The following CCDC178 variants were observed in gnomAD, a reference collection of about 807,000 sequenced individuals.
CCDC178 encodes the protein coiled-coil domain containing 178.
Under a neutral mutation model 117.4 loss-of-function variants are expected in CCDC178, and 126 were observed. The ratio of observed to expected loss-of-function variants is 1.07; its 90% CI spans 0.93 to 1.24. The LOEUF (loss-of-function observed/expected upper bound fraction) is 1.24, where lower values mean the gene tolerates loss of function less well. Ranked by LOEUF, CCDC178 falls within the 50% of genes most tolerant of loss-of-function variation. The probability of loss-of-function intolerance (pLI) is 0.00; values close to 1 mark genes in which losing one functional copy is unlikely to be tolerated. For missense variants in CCDC178, 1,030 were observed against 986.9 expected (o/e 1.04, Z -0.59); for synonymous variants, 283 against 313.4 (o/e 0.90, Z 1.02).
At chr18:33,425,266 G>A (rs1053642561) in intron 2 of CCDC178, among the ~76,000 whole-genome samples, 4 of 152,042 alleles carry the variant, frequency 2.6e-5, no homozygotes, top group African/African-American at 7.2e-5. Flanking sequence ...ACAGGAATTT[G>A]ATTGACTGTC....
intron 21 of CCDC178, among the ~76,000 whole-genome samples, chr18:33,051,210 C>A (rs1159574212): frequency 6.6e-6 from 1 of 152,096 alleles, no homozygotes; most frequent in Non-Finnish European, 1.5e-5. Context: ...CTGCACCCAG[C>A]CTGATCATCA....
At chr18:33,280,122 A>G (rs575476790) in intron 12 of CCDC178, among the ~76,000 whole-genome samples, 1 of 151,348 alleles carries the variant, frequency 6.6e-6, no homozygotes, top group South Asian at 2.1e-4. Context: ...TAAACTCAAG[A>G]GCTTCTGCAC....
chr18:32,941,541 A>C (rs567085483), intron 22 of CCDC178, among the ~76,000 whole-genome samples: 1 of 152,174 alleles, frequency 6.6e-6, no homozygotes, highest in Non-Finnish European at 1.5e-5. Context: ...ATTACTTTTC[A>C]TCAAGAAATC....
At chr18:33,339,553 A>G (rs2062786806) in intron 9 of CCDC178, among the ~76,000 whole-genome samples, 1 of 151,638 alleles carries the variant, frequency 6.6e-6, no homozygotes, top group South Asian at 2.1e-4. Flanking sequence ...CAGAAAATGG[A>G]AGAGAGACCT....
chr18:33,081,775 G>A (rs2057302018), intron 21 of CCDC178, among the ~76,000 whole-genome samples: 1 of 152,080 alleles, frequency 6.6e-6, no homozygotes, highest in African/African-American at 2.4e-5. Flanking sequence ...AAACACTATA[G>A]CCACTGCATT....
chr18:33,098,755 T>C (rs1199688626), intron 20 of CCDC178, among the ~76,000 whole-genome samples: 1 of 152,076 alleles, frequency 6.6e-6, no homozygotes, highest in African/African-American at 2.4e-5. Context: ...TTTTGTTTAT[T>C]TAATCATTTG....
intron 22 of CCDC178, 128 bp downstream of exon 22, chr18:32,974,419 T>C (rs1393492366): frequency 1.2e-6 from 1 of 812,256 alleles, no homozygotes; most frequent in Non-Finnish European, 2.0e-6. Flanking sequence ...GCAATTCCAG[T>C]TTATTAAAGA....
intron 20 of CCDC178, among the ~76,000 whole-genome samples, chr18:33,184,894 T>C (rs530850309): frequency 1.3e-5 from 2 of 152,184 alleles, no homozygotes; most frequent in Admixed American, 1.3e-4. Flanking sequence ...TGCTCACAGT[T>C]ACTTATTGAA....
At chr18:33,239,008 A>G (rs2059456321) in intron 15 of CCDC178, among the ~76,000 whole-genome samples, 2 of 152,154 alleles carry the variant, frequency 1.3e-5, no homozygotes, top group Non-Finnish European at 1.5e-5. Flanking sequence ...GCCAGCCAAG[A>G]ATATTCTATC....
At chr18:33,410,775 C>T (rs1189854349) in intron 3 of CCDC178, among the ~76,000 whole-genome samples, 1 of 152,124 alleles carries the variant, frequency 6.6e-6, no homozygotes, top group Non-Finnish European at 1.5e-5. Context: ...AGATCTGTGC[C>T]AGTTCTGTGA....
At chr18:33,127,039 C>G (rs1568005030) in intron 20 of CCDC178, among the ~76,000 whole-genome samples, 1 of 147,154 alleles carries the variant, frequency 6.8e-6, no homozygotes, top group Non-Finnish European at 1.5e-5. Context: ...CACACACACA[C>G]ATGGATCTTT....
At chr18:33,360,611 C>A (rs1195643678) in intron 6 of CCDC178, among the ~76,000 whole-genome samples, 1 of 151,256 alleles carries the variant, frequency 6.6e-6, no homozygotes, top group Non-Finnish European at 1.5e-5. Context: ...AAGCAGAAAA[C>A]CTCAATGCTA....
chr18:33,039,621 A>T (rs886219852), intron 21 of CCDC178, among the ~76,000 whole-genome samples: 1 of 152,080 alleles, frequency 6.6e-6, no homozygotes, highest in South Asian at 2.1e-4. Flanking sequence ...TTGAGATCTG[A>T]TGGTTCAAAT....
Position 33,319,847 on chromosome 18 carries a change from G to A in CCDC178, c.1022+3644C>T, listed in dbSNP as rs570355254. Among the ~76,000 whole-genome samples the A allele has an allele frequency of 7.2e-3, 1,089 of 152,050 alleles. 9 individuals are homozygous for A. The highest frequency in any genetic ancestry group is 0.025 in the African/African-American group (1,036 of 41,498). On this transcript the variant is annotated intron_variant, in intron 11 of 22. Coordinates refer to ENST00000383096, the MANE Select transcript of CCDC178 (RefSeq NM_001105528.4). The stretch of plus-strand genomic sequence containing the variant: ...CTGCATAAATGTCTTCTTTTGAGAA[G>A]TGTCTGTTCATATCCTTTGCCAACT...
intron 4 of CCDC178, among the ~76,000 whole-genome samples, chr18:33,392,468 C>T (rs2063576461): frequency 6.6e-6 from 1 of 152,310 alleles, no homozygotes; most frequent in African/African-American, 2.4e-5. Context: ...CCAATCCCTA[C>T]ATTCAGTACC....
Position 33,083,686 on chromosome 18 carries a change from T to C in CCDC178, c.2388+9075A>G, listed in dbSNP as rs9954013. 8.9e-4 allele frequency among the ~76,000 whole-genome samples: 135 copies of C among 152,356 alleles called. 1 individual carries two copies. Among genetic ancestry groups the C allele is most frequent in the African/African-American group, 3.2e-3 (132 of 41,574 alleles). ...CTTCCTGATTCTACTAGAGAAGTTA[T>C]CTTTTAAGGGACAGAGAGTAGCACT... On this transcript the variant is annotated intron_variant, in intron 21 of 22. Coordinates refer to ENST00000383096, the MANE Select transcript of CCDC178 (RefSeq NM_001105528.4).
intron 22 of CCDC178, among the ~76,000 whole-genome samples, chr18:32,945,176 AG>A (rs1407513670): frequency 6.6e-6 from 1 of 152,182 alleles, no homozygotes; most frequent in African/African-American, 2.4e-5. Context: ...AAGGCAGTGA[AG>A]GCAGTTCTAA....
Position 33,216,796 on chromosome 18 carries a change from C to T in CCDC178, c.1933-1101G>A, listed in dbSNP as rs1817498. 7.8e-3 allele frequency among the ~76,000 whole-genome samples: 1,183 copies of T among 151,904 alleles called. 10 individuals are homozygous for T. Among genetic ancestry groups the T allele is most frequent in the Middle Eastern group, 0.024 (7 of 294 alleles). On this transcript the variant is annotated intron_variant, in intron 18 of 22. Coordinates refer to ENST00000383096, the MANE Select transcript of CCDC178 (RefSeq NM_001105528.4). ...ACTGATAAATAAAAGGATTTTTTCTCCTTATACTAGAATGTAGTGGAAATA... is the reference window on the plus strand; with the variant it reads ...ACTGATAAATAAAAGGATTTTTTCTTCTTATACTAGAATGTAGTGGAAATA...
At chr18:32,949,445 T>C (rs1392135548) in intron 22 of CCDC178, among the ~76,000 whole-genome samples, 1 of 152,166 alleles carries the variant, frequency 6.6e-6, no homozygotes, top group Non-Finnish European at 1.5e-5. Flanking sequence ...TATTTCTTTC[T>C]TTCATTTTGG....
Sources: allele counts gnomAD v4.1 joint callset (sites outside exome capture counted in the v4.1 genomes callset), GRCh38; gene constraint gnomAD v4.1.1; transcripts MANE v1.5; gene names NCBI Gene and HGNC (gene_info 2026-07-23, HGNC 2026-07-21).